RWDD3: variants seen among roughly 807,000 people sequenced by gnomAD.
RWDD3 encodes RWD domain-containing protein 3.
A neutral mutation model predicts 26.5 loss-of-function variants in RWDD3; 30 were observed. That is an observed-to-expected ratio of 1.13 (90% CI 0.85 to 1.54). The LOEUF (loss-of-function observed/expected upper bound fraction) is 1.54. RWDD3 is among the 40% of genes most tolerant of loss of function. The pLI is 0.00. For synonymous variants in RWDD3, 113 were observed against 114.5 expected, an observed-to-expected ratio of 0.99 and a Z score of 0.09; for missense variants, 296 against 309.1, an observed-to-expected ratio of 0.96 and a Z score of 0.32.
In RWDD3 at chr1:95,246,861, G is replaced by A; in HGVS notation, c.795G>A (p.Leu265=). 1.3e-6 allele frequency: 2 copies of A among 1,514,584 alleles called. No homozygotes were observed. The highest frequency in any genetic ancestry group is 1.3e-5 in the South Asian group (1 of 77,030). The allele number at this position is 1,514,584 out of a possible 1,614,324, so 93.8% of individuals were successfully genotyped here. A position where few individuals can be genotyped will look rare whatever the true frequency, so the allele number is the denominator to read the frequency against. ...KKLFSEFVLA[L]VK Reference sequence around the variant, plus strand: ...TTTTCTCCGAATTTGTACTTGCTCTGGTAAAATGAAATGGAAGACAGGAAT... The same window carrying A: ...TTTTCTCCGAATTTGTACTTGCTCTAGTAAAATGAAATGGAAGACAGGAAT... Residue 265 remains leucine, a synonymous_variant, in exon 4 of 4, where the codon CTG becomes CTA. Transcript: ENST00000370202.
Position 95,246,564 on chromosome 1 carries a change from C to T in RWDD3, c.596C>T (p.Thr199Ile). Residue 199 changes from threonine (T) to isoleucine (I), a missense_variant, in exon 3 of 4, where the codon ACC becomes ATC. Physicochemically the swap from Thr to Ile is moderately conservative, Grantham distance 89. Coordinates refer to ENST00000370202, the MANE Select transcript of RWDD3 (RefSeq NM_015485.5). Reference sequence around the variant, plus strand: ...TAGGAGTACTTGATTCTTCAGAAAACCTCCAAAGTAGATGTGGACTCAAGT... The same window carrying T: ...TAGGAGTACTTGATTCTTCAGAAAATCTCCAAAGTAGATGTGGACTCAAGT... Reference protein sequence around the residue: ...NLKEYLILQKTSKVDVDSSGK... With the variant: ...NLKEYLILQKISKVDVDSSGK... The T allele has an allele frequency of 3.1e-6, 5 of 1,608,172 alleles. No individual in the cohort carries two copies. Among genetic ancestry groups the T allele is most frequent in the Non-Finnish European group, 4.3e-6 (5 of 1,175,544 alleles).
rs768056730 is a variant in RWDD3 at position 95,244,418 on chromosome 1, C to CTATG, written c.294_297dup (p.Val100TyrfsTer4). 1.4e-5 allele frequency: 22 copies of CTATG among 1,614,158 alleles called. No individual in the cohort carries two copies. The highest frequency in any genetic ancestry group is 1.9e-5 in the Non-Finnish European group (22 of 1,180,040). ...CAAGCAGAGAGCCTTTTGTCGGAGC[C>CTATG]TATGGTTCATGAGCTGGTTCTCTGG... On this transcript the variant is annotated frameshift_variant, in exon 2 of 4. Transcript: ENST00000370202. LOFTEE classifies it high-confidence loss of function.
At chr1:95,244,109 C>A in intron 1 of RWDD3, 102 bp from the exon 2 acceptor site, 1 of 1,499,260 alleles carries the variant, frequency 6.7e-7, no homozygotes, top group African/African-American at 1.4e-5. Flanking sequence ...AGAGTTTTCT[C>A]ATGAAAAATA....
At chr1:95,238,278 CCTT>C (rs1019062248) in intron 1 of RWDD3, among the ~76,000 whole-genome samples, 1 of 152,144 alleles carries the variant, frequency 6.6e-6, no homozygotes, top group Non-Finnish European at 1.5e-5. Context: ...TTAGTTTGGG[CCTT>C]CTTATAAAAT....
In RWDD3 at chr1:95,246,863, T is replaced by G. The variant is rs749609666; in HGVS notation, c.797T>G (p.Val266Gly). Reference sequence around the variant, plus strand: ...TTCTCCGAATTTGTACTTGCTCTGGTAAAATGAAATGGAAGACAGGAATCT... The same window carrying G: ...TTCTCCGAATTTGTACTTGCTCTGGGAAAATGAAATGGAAGACAGGAATCT... ...KLFSEFVLAL[V>G]K Residue 266 changes from valine (V) to glycine (G), a missense_variant, in exon 4 of 4, where the codon GTA (valine) becomes GGA (glycine). Physicochemically the swap from Val to Gly is moderately radical, Grantham distance 109. Coordinates refer to ENST00000370202, the MANE Select transcript of RWDD3 (RefSeq NM_015485.5). 12 of 1,510,240 alleles carry G rather than the reference T, an allele frequency of 7.9e-6. No individual in the cohort carries two copies. The South Asian group carries it at 1.4e-4, about 18-fold the overall frequency. 93.6% of individuals were successfully genotyped at this position (1,510,240 alleles called of 1,614,324 possible).
At chr1:95,242,507 C>A (rs1423029815) in intron 1 of RWDD3, among the ~76,000 whole-genome samples, 1 of 152,230 alleles carries the variant, frequency 6.6e-6, no homozygotes, top group East Asian at 1.9e-4. Context: ...AAAGTTTATT[C>A]AGCCTAAATG....
chr1:95,244,892 G>T (rs547327223), intron 2 of RWDD3, 194 bp downstream of exon 2: 3 of 601,940 alleles, frequency 5.0e-6, no homozygotes, highest in South Asian at 5.7e-5. Flanking sequence ...AACTTGCAAA[G>T]CTTGAAGAAT....
Position 95,244,523 on chromosome 1 carries a change from C to T in RWDD3, c.398C>T (p.Thr133Met), listed in dbSNP as rs143138205. 5.0e-5 allele frequency: 80 copies of T among 1,614,144 alleles called. No homozygotes were observed. The highest frequency in any genetic ancestry group is 6.4e-5 in the Non-Finnish European group (76 of 1,180,036). ...GAAAAGTGTACTTTTTCAACAAGCA[C>T]GACCATGGATGATGGATTGTGGATA... ...GSEKCTFSTS[T>M]TMDDGLWITL... Residue 133 changes from threonine to methionine, a missense_variant, in exon 2 of 4, where the codon ACG (threonine) becomes ATG (methionine). Physicochemically the swap from Thr to Met is moderately conservative, Grantham distance 81 (BLOSUM62 -1). Coordinates refer to ENST00000370202, the MANE Select transcript of RWDD3 (RefSeq NM_015485.5).
chr1:95,241,275 A>G (rs1680607779), intron 1 of RWDD3, among the ~76,000 whole-genome samples: 1 of 152,170 alleles, frequency 6.6e-6, no homozygotes, highest in African/African-American at 2.4e-5. Context: ...GTGAACCCAG[A>G]TGGATTTGGA....
intron 1 of RWDD3, among the ~76,000 whole-genome samples, chr1:95,241,859 C>G (rs558971405): frequency 6.6e-6 from 1 of 152,302 alleles, no homozygotes; most frequent in Non-Finnish European, 1.5e-5. Context: ...ATTGCCACCC[C>G]TCCCCACCCC....
At position 95,234,381 on chromosome 1, in the gene RWDD3, C is replaced by T. The variant is rs918635647; in HGVS notation, c.85+66C>T. 6.2e-6 allele frequency: 9 copies of T among 1,446,380 alleles called. No homozygotes were observed. In the Admixed American group the frequency reaches 1.8e-4, roughly 29 times the overall value. The allele number at this position is 1,446,380 out of a possible 1,614,324, so 89.6% of individuals were successfully genotyped here. A position where few individuals can be genotyped will look rare whatever the true frequency, so the allele number is the denominator to read the frequency against. On this transcript the variant is annotated intron_variant, in intron 1 of 3. Coordinates refer to ENST00000370202, the MANE Select transcript of RWDD3 (RefSeq NM_015485.5). ...GCCACCCGCGTTCGCTTTGCGTCTC[C>T]TCCCCACCACGGAGCCTGGGCACCC...
chr1:95,237,170 T>C (rs1680395627), intron 1 of RWDD3, among the ~76,000 whole-genome samples: 1 of 152,132 alleles, frequency 6.6e-6, no homozygotes, highest in African/African-American at 2.4e-5. Flanking sequence ...CTTTTTTTTT[T>C]TTCCCATGAT....
At chr1:95,243,750 C>T (rs1301292053) in intron 1 of RWDD3, among the ~76,000 whole-genome samples, 1 of 152,164 alleles carries the variant, frequency 6.6e-6, no homozygotes, top group Non-Finnish European at 1.5e-5. Context: ...ACAGGGGATT[C>T]CATTGCTTGC....
Position 95,246,672 on chromosome 1 carries a change from T to C in RWDD3, c.689+15T>C. The C allele has an allele frequency of 6.4e-7, 1 of 1,562,532 alleles. No individual in the cohort carries two copies. The highest frequency in any genetic ancestry group is 1.7e-4 in the Middle Eastern group (1 of 5,896). Reference sequence around the variant, plus strand: ...GAACACAAAAGGTATAATTTAGTACTATTGCAGATGGAAAAGCAACTGAAT... The same window carrying C: ...GAACACAAAAGGTATAATTTAGTACCATTGCAGATGGAAAAGCAACTGAAT... On this transcript the variant is annotated intron_variant, in intron 3 of 3. Transcript: ENST00000370202.
At chr1:95,242,994 A>G (rs992534184) in intron 1 of RWDD3, among the ~76,000 whole-genome samples, 3 of 152,234 alleles carry the variant, frequency 2.0e-5, no homozygotes, top group African/African-American at 7.2e-5. Flanking sequence ...AGGAATGTAC[A>G]AAGTTAGATT....
chr1:95,234,932 G>T (rs1375952593), intron 1 of RWDD3, among the ~76,000 whole-genome samples: 2 of 151,234 alleles, frequency 1.3e-5, no homozygotes, highest in Non-Finnish European at 2.9e-5. Flanking sequence ...CTCTCTTGTT[G>T]CCCTGGCTGG....
At position 95,244,414 on chromosome 1, in the gene RWDD3, G is replaced by A. The variant is rs765962240; in HGVS notation, c.289G>A (p.Glu97Lys). 6.2e-7 allele frequency: 1 copy of A among 1,614,184 alleles called. No individual in the cohort carries two copies. Among genetic ancestry groups the A allele is most frequent in the Admixed American group, 1.7e-5 (1 of 60,010 alleles). ...LLEQAESLLS[E>K]PMVHELVLWI... ...TGAGCAAGCAGAGAGCCTTTTGTCGGAGCCTATGGTTCATGAGCTGGTTCT... is the reference window on the plus strand; with the variant it reads ...TGAGCAAGCAGAGAGCCTTTTGTCGAAGCCTATGGTTCATGAGCTGGTTCT... Residue 97 changes from glutamate (E) to lysine (K), a missense_variant, in exon 2 of 4, where the codon GAG becomes AAG. Coordinates refer to ENST00000370202, the MANE Select transcript of RWDD3 (RefSeq NM_015485.5).
Position 95,244,325 on chromosome 1 carries a change from G to C in RWDD3, c.200G>C (p.Gly67Ala). Residue 67 changes from glycine to alanine, a missense_variant, in exon 2 of 4, where the codon GGT becomes GCT. Physicochemically the swap from Gly to Ala is moderately conservative, Grantham distance 60. Coordinates refer to ENST00000370202, the MANE Select transcript of RWDD3 (RefSeq NM_015485.5). ...GTCAATTATCCTTCATGTCTACCTG[G>C]TATCTCGATTAACTCTGAACAGTTG... Reference protein sequence around the residue: ...LPVNYPSCLPGISINSEQLTR... With the variant: ...LPVNYPSCLPAISINSEQLTR... 2 of 1,614,130 alleles carry C rather than the reference G, an allele frequency of 1.2e-6. No individual in the cohort carries two copies. Among genetic ancestry groups the C allele is most frequent in the Non-Finnish European group, 1.7e-6 (2 of 1,180,036 alleles).
chr1:95,239,801 A>G (rs539402259), intron 1 of RWDD3: 40 of 1,286,604 alleles, frequency 3.1e-5, no homozygotes, highest in Non-Finnish European at 3.5e-5. Flanking sequence ...ACAGAGAAAA[A>G]TGAAAATTGG....
Sources: gnomAD v4.1 joint callset for allele counts (sites outside exome capture counted in the v4.1 genomes callset) on GRCh38, gnomAD v4.1.1 for gene constraint, MANE v1.5 for transcripts, NCBI Gene and HGNC (gene_info 2026-07-23, HGNC 2026-07-21) for gene names.